THSD7A: variants seen among roughly 807,000 people sequenced by gnomAD.
The protein encoded by THSD7A is thrombospondin type 1 domain containing 7A, also known as thrombospondin type-1 domain-containing protein 7A.
THSD7A carries 96 observed loss-of-function variants against 231.3 expected under a neutral mutation model. The ratio of observed to expected loss-of-function variants is 0.41; its 90% confidence interval spans 0.35 to 0.49. The LOEUF is 0.49. Ranked by LOEUF, THSD7A falls within the 20% of genes least tolerant of loss-of-function variation. The pLI, the probability that THSD7A is intolerant of heterozygous loss-of-function variation, is 0.05. For missense variants in THSD7A, 2,290 were observed against 2,070.2 expected (o/e 1.11, Z -2.06); for synonymous variants, 940 against 743.3 (o/e 1.26, Z -4.30).
chr7:11,512,862 G>C (rs1235942275), intron 6 of THSD7A, among the ~76,000 whole-genome samples: 3 of 148,372 alleles, frequency 2.0e-5, no homozygotes, highest in Non-Finnish European at 4.4e-5. Flanking sequence ...TACCAACATG[G>C]CACATGTATA....
chr7:11,575,972 T>C (rs1000822121), intron 4 of THSD7A, among the ~76,000 whole-genome samples: 8 of 152,190 alleles, frequency 5.3e-5, no homozygotes, highest in Non-Finnish European at 8.8e-5. Context: ...CCAGAAATCA[T>C]GGTGCTTCTC....
At chr7:11,700,748 C>G (rs1376352791) in intron 1 of THSD7A, among the ~76,000 whole-genome samples, 1 of 151,146 alleles carries the variant, frequency 6.6e-6, no homozygotes, top group Non-Finnish European at 1.5e-5. Context: ...ATTTATTGCT[C>G]TTGCTCTTAT....
intron 23 of THSD7A, among the ~76,000 whole-genome samples, chr7:11,388,532 T>G (rs1364327306): frequency 6.6e-6 from 1 of 152,246 alleles, no homozygotes; most frequent in Non-Finnish European, 1.5e-5. Context: ...GGATCACTGG[T>G]GACATCCCCT....
intron 4 of THSD7A, among the ~76,000 whole-genome samples, chr7:11,589,313 T>C (rs1223665480): frequency 6.6e-6 from 1 of 152,014 alleles, no homozygotes; most frequent in East Asian, 1.9e-4. Context: ...TCTTTACTGG[T>C]GAGATTTACC....
chr7:11,537,936 G>C (rs1277062699), intron 6 of THSD7A, among the ~76,000 whole-genome samples: 4 of 152,202 alleles, frequency 2.6e-5, no homozygotes, highest in Non-Finnish European at 5.9e-5. Context: ...GGTGCTGAGA[G>C]TCTTTGGATA....
At chr7:11,440,271 C>T (rs1244289640) in intron 13 of THSD7A, among the ~76,000 whole-genome samples, 1 of 152,032 alleles carries the variant, frequency 6.6e-6, no homozygotes, top group Non-Finnish European at 1.5e-5. Flanking sequence ...ATTGACAACG[C>T]ATGTAGTCAT....
chr7:11,397,657 T>C (rs1278850471), intron 23 of THSD7A, among the ~76,000 whole-genome samples: 1 of 152,178 alleles, frequency 6.6e-6, no homozygotes, highest in African/African-American at 2.4e-5. Context: ...AATCTATCCA[T>C]CTGACAAGAG....
At chr7:11,515,695 A>T (rs1377079012) in intron 6 of THSD7A, among the ~76,000 whole-genome samples, 1 of 152,126 alleles carries the variant, frequency 6.6e-6, no homozygotes, top group African/African-American at 2.4e-5. Context: ...GGGAGAAAAG[A>T]CAGCCCATGT....
rs3037680 is a variant in THSD7A, at chr7:11,758,010, CATATATATAT to C, written c.190+73737_190+73746del. 7.4e-4 allele frequency among the ~76,000 whole-genome samples: 105 copies of C among 142,790 alleles called. No individual in the cohort carries two copies. In the South Asian group the frequency reaches 0.012, roughly 16 times the overall value. 93.7% of individuals were successfully genotyped at this position (142,790 alleles called of 152,430 possible). ...CTAACATTATATATACATATGCATT[CATATATATAT>C]ATATATATATATATATATAATGTTT... is the stretch of plus-strand genomic sequence containing the variant. On this transcript the variant is annotated intron_variant, in intron 1 of 27. Coordinates refer to ENST00000423059, the MANE Select transcript of THSD7A (RefSeq NM_015204.3).
Position 11,375,768 on chromosome 7 carries a change from T to A in THSD7A, c.*26A>T. 1 of 1,604,524 alleles carries A rather than the reference T, an allele frequency of 6.2e-7. No homozygotes were observed. The highest frequency in any genetic ancestry group is 8.5e-7 in the Non-Finnish European group (1 of 1,172,754). On this transcript the variant is annotated 3_prime_UTR_variant, in exon 28 of 28. Coordinates refer to ENST00000423059, the MANE Select transcript of THSD7A (RefSeq NM_015204.3). Reference sequence around the variant, plus strand: ...ATCTATGAAGTCAGAAAGCCGAAACTGGTTGTTGCCAGGAAAAGTTATATG... The same window carrying A: ...ATCTATGAAGTCAGAAAGCCGAAACAGGTTGTTGCCAGGAAAAGTTATATG...
At chr7:11,761,923 G>T (rs1229294249) in intron 1 of THSD7A, among the ~76,000 whole-genome samples, 1 of 151,890 alleles carries the variant, frequency 6.6e-6, no homozygotes, top group Non-Finnish European at 1.5e-5. Context: ...CCCCCTTTTG[G>T]AGTACTCACT....
intron 16 of THSD7A, among the ~76,000 whole-genome samples, chr7:11,422,775 C>T (rs896458945): frequency 6.6e-6 from 1 of 152,084 alleles, no homozygotes; most frequent in East Asian, 1.9e-4. Flanking sequence ...GCCTCAGCCT[C>T]CTGAGTAGCT....
At chr7:11,603,668 C>A (rs1265683638) in intron 2 of THSD7A, among the ~76,000 whole-genome samples, 1 of 151,328 alleles carries the variant, frequency 6.6e-6, no homozygotes, top group Non-Finnish European at 1.5e-5. Flanking sequence ...GAAAATGTGG[C>A]ACATATACAC....
intron 1 of THSD7A, among the ~76,000 whole-genome samples, chr7:11,728,615 T>C (rs1298732327): frequency 6.6e-6 from 1 of 151,892 alleles, no homozygotes; most frequent in Non-Finnish European, 1.5e-5. Context: ...AAAATTAAAT[T>C]AGAGAATATT....
intron 2 of THSD7A, among the ~76,000 whole-genome samples, chr7:11,618,636 A>G (rs147224176): frequency 0.017 from 2,593 of 152,104 alleles, 36 homozygotes; most frequent in Non-Finnish European, 0.028. Flanking sequence ...CGTCTCTACT[A>G]AAAATACAAA....
At position 11,661,519 on chromosome 7, in the gene THSD7A, C is replaced by CA. The variant is rs201644967; in HGVS notation, c.191-24559dup. On this transcript the variant is annotated intron_variant, in intron 1 of 27. Transcript: ENST00000423059. ...GAAAAATGCAAAATCAGTTTTTATG[C>CA]AAAAAAAAGCAAAAAAAGTGTAAAA... Among the ~76,000 whole-genome samples the CA allele has an allele frequency of 1.9e-3, 275 of 147,414 alleles. 4 individuals are homozygous for CA. In the East Asian group the frequency reaches 0.022, roughly 12 times the overall value.
intron 16 of THSD7A, among the ~76,000 whole-genome samples, chr7:11,417,970 G>A (rs889797495): frequency 6.6e-6 from 1 of 152,300 alleles, no homozygotes; most frequent in East Asian, 1.9e-4. Flanking sequence ...TGTCCAAAGA[G>A]CTTCGTAGAG....
chr7:11,472,686 C>G (rs1203304091), intron 8 of THSD7A, among the ~76,000 whole-genome samples: 3 of 152,150 alleles, frequency 2.0e-5, no homozygotes, highest in Non-Finnish European at 4.4e-5. Context: ...ATCCAGCAGG[C>G]TCTTTCACAT....
At chr7:11,766,706 T>G (rs142330029) in intron 1 of THSD7A, among the ~76,000 whole-genome samples, 1,528 of 152,258 alleles carry the variant, frequency 0.01, 20 homozygotes, top group African/African-American at 0.034. Flanking sequence ...TGATCTACAG[T>G]ACAATTGACC....
Sources: gnomAD v4.1 joint callset for allele counts (sites outside exome capture counted in the v4.1 genomes callset) on GRCh38, gnomAD v4.1.1 for gene constraint, MANE v1.5 for transcripts, NCBI Gene and HGNC (gene_info 2026-07-23, HGNC 2026-07-21) for gene names.